GALNT13: variants seen among roughly 807,000 people sequenced by gnomAD.
The protein encoded by GALNT13 is UDP-GalNAc:polypeptide N-acetylgalactosaminyltransferase 13.
GALNT13 carries 28 observed loss-of-function variants against 64.2 expected under a neutral mutation model. That is an observed-to-expected ratio of 0.44 (90% CI 0.32 to 0.60). The LOEUF (loss-of-function observed/expected upper bound fraction) is 0.60, where lower values mean the gene tolerates loss of function less well. Ranked by LOEUF, GALNT13 falls within the 20% of genes least tolerant of loss-of-function variation. The probability of loss-of-function intolerance (pLI) is 0.05; values close to 1 mark genes in which losing one functional copy is unlikely to be tolerated. For synonymous variants in GALNT13, 214 were observed against 224.6 expected (o/e 0.95, Z 0.42); for missense variants, 577 against 669.8 (o/e 0.86, Z 1.53).
At chr2:153,860,818 T>C in the GALNT13 span, among the ~76,000 whole-genome samples, 3 of 152,178 alleles carry the variant, frequency 2.0e-5, no homozygotes, top group Non-Finnish European at 4.4e-5. Context: ...TGTGTGCATA[T>C]GTGTGCTGAT....
At chr2:153,774,645 T>C in the GALNT13 span, among the ~76,000 whole-genome samples, 150 of 152,226 alleles carry the variant, frequency 9.9e-4, 2 homozygotes, top group East Asian at 0.026. Context: ...CCTGTAATCA[T>C]AGAAGTTTGG....
chr2:153,791,588 G>A, the GALNT13 span, among the ~76,000 whole-genome samples: 1 of 152,016 alleles, frequency 6.6e-6, no homozygotes, highest in African/African-American at 2.4e-5. Context: ...ATACACAAAG[G>A]AATATCAATT....
intron 12 of GALNT13, among the ~76,000 whole-genome samples, chr2:154,442,923 T>A (rs560935881): frequency 1.6e-4 from 24 of 152,298 alleles, no homozygotes; most frequent in African/African-American, 5.1e-4. Flanking sequence ...GAATTCTATA[T>A]ACATCTGTAT....
rs746008260 is a variant in GALNT13 at position 154,245,978 on chromosome 2, G to A, written c.853G>A (p.Val285Ile). 15 of 1,609,092 alleles carry A rather than the reference G, an allele frequency of 9.3e-6. No homozygotes were observed. The highest frequency in any genetic ancestry group is 5.0e-5 in the Admixed American group (3 of 59,936). ...GAGGAAAGGAGACAGAACATTACCTGTCAGGTATGTAGATCATATCTCTTG... is the reference window on the plus strand; with the variant it reads ...GAGGAAAGGAGACAGAACATTACCTATCAGGTATGTAGATCATATCTCTTG... ...DRRKGDRTLP[V>I]RTPTMAGGLF... Residue 285 changes from valine to isoleucine, a missense_variant, in exon 7 of 13, where the codon GTC (valine) becomes ATC (isoleucine). Physicochemically the swap from Val to Ile is conservative, Grantham distance 29. Coordinates refer to ENST00000392825, the MANE Select transcript of GALNT13 (RefSeq NM_052917.4).
chr2:153,224,672 C>T, the GALNT13 span, among the ~76,000 whole-genome samples: 1,418 of 152,194 alleles, frequency 9.3e-3, 12 homozygotes, highest in Middle Eastern at 0.048. Context: ...AGAGTTATCA[C>T]TATAGATTCT....
the GALNT13 span, among the ~76,000 whole-genome samples, chr2:153,717,314 C>T: frequency 3.9e-5 from 6 of 152,228 alleles, no homozygotes; most frequent in African/African-American, 1.4e-4. Context: ...GATTTCATTC[C>T]ACTTTAGTAT....
At chr2:154,332,133 T>TTA (rs1368785622) in intron 9 of GALNT13, among the ~76,000 whole-genome samples, 16 of 152,210 alleles carry the variant, frequency 1.1e-4, no homozygotes, top group African/African-American at 3.9e-4. Flanking sequence ...CTCTGTATCT[T>TTA]TATATACCCT....
the GALNT13 span, among the ~76,000 whole-genome samples, chr2:153,523,043 A>G: frequency 1.7e-3 from 140 of 83,374 alleles, no homozygotes; most frequent in African/African-American, 6.4e-3. Context: ...TGTGTTTACT[A>G]TTTTTTTTTT....
intron 2 of GALNT13, among the ~76,000 whole-genome samples, chr2:153,925,722 C>G (rs991268768): frequency 2.6e-5 from 4 of 151,984 alleles, no homozygotes; most frequent in African/African-American, 9.7e-5. Context: ...TTTGTGTCAT[C>G]TCTGATTTCT....
At chr2:153,685,036 C>T in the GALNT13 span, among the ~76,000 whole-genome samples, 42 of 151,332 alleles carry the variant, frequency 2.8e-4, no homozygotes, top group African/African-American at 9.7e-4. Context: ...ATCACATTTT[C>T]TTTATCCAGT....
At chr2:154,133,268 T>C (rs958773469) in intron 3 of GALNT13, among the ~76,000 whole-genome samples, 2 of 152,000 alleles carry the variant, frequency 1.3e-5, no homozygotes, top group Admixed American at 1.3e-4. Context: ...TTATTTTTAT[T>C]AAAAGTTACT....
intron 3 of GALNT13, among the ~76,000 whole-genome samples, chr2:154,047,680 A>G (rs1699359312): frequency 6.6e-6 from 1 of 152,130 alleles, no homozygotes; most frequent in African/African-American, 2.4e-5. Flanking sequence ...TCTAAATTCT[A>G]TTGCTTGCTT....
the GALNT13 span, among the ~76,000 whole-genome samples, chr2:153,095,130 A>G: frequency 6.6e-6 from 1 of 152,228 alleles, no homozygotes; most frequent in East Asian, 1.9e-4. Flanking sequence ...AATTTTTGCA[A>G]TCTACCCATC....
the GALNT13 span, among the ~76,000 whole-genome samples, chr2:153,094,339 A>C: frequency 2.0e-5 from 3 of 152,134 alleles, no homozygotes; most frequent in Non-Finnish European, 4.4e-5. Flanking sequence ...AATTTGTTTC[A>C]AGACCTCTTC....
chr2:153,545,896 G>A, the GALNT13 span, among the ~76,000 whole-genome samples: 1 of 152,174 alleles, frequency 6.6e-6, no homozygotes, highest in Non-Finnish European at 1.5e-5. Flanking sequence ...CAAAGTACGT[G>A]GATCCAGTGG....
chr2:153,851,144 T>G, the GALNT13 span, among the ~76,000 whole-genome samples: 1 of 152,024 alleles, frequency 6.6e-6, no homozygotes, highest in African/African-American at 2.4e-5. Context: ...TAGAAAAATC[T>G]CAAATGTATC....
At chr2:153,101,464 T>G in the GALNT13 span, among the ~76,000 whole-genome samples, 2 of 152,230 alleles carry the variant, frequency 1.3e-5, no homozygotes, top group Admixed American at 6.5e-5. Flanking sequence ...TGTTGTGGTT[T>G]TACTGTTGAA....
chr2:153,652,386 T>A, the GALNT13 span, among the ~76,000 whole-genome samples: 6 of 152,234 alleles, frequency 3.9e-5, no homozygotes, highest in African/African-American at 1.4e-4. Flanking sequence ...CTTGGGAGAC[T>A]GAGGCGGGAG....
chr2:153,689,626 T>C, the GALNT13 span, among the ~76,000 whole-genome samples: 1 of 152,112 alleles, frequency 6.6e-6, no homozygotes, highest in African/African-American at 2.4e-5. Flanking sequence ...GGTAGTTTCA[T>C]ATCTTTCAGC....
Sources: gnomAD v4.1 joint callset for allele counts (sites outside exome capture counted in the v4.1 genomes callset) on GRCh38, gnomAD v4.1.1 for gene constraint, MANE v1.5 for transcripts, NCBI Gene and HGNC (gene_info 2026-07-23, HGNC 2026-07-21) for gene names.